The following CAND1 variants were observed in gnomAD, a reference collection of about 807,000 sequenced individuals.
CAND1 encodes cullin-associated NEDD8-dissociated protein 1.
In CAND1, 7 loss-of-function variants were observed where a neutral mutation model predicts 108.5. That is an observed-to-expected ratio of 0.06 (90% CI 0.04 to 0.12). The LOEUF is 0.12. Ranked by LOEUF, CAND1 falls within the 10% of genes least tolerant of loss-of-function variation. The pLI is 1.00. For synonymous variants in CAND1, 534 were observed against 512.0 expected (o/e 1.04, Z -0.58); for missense variants, 941 against 1,448.7 (o/e 0.65, Z 5.69).
rs1363983947 is a variant in CAND1 at position 67,313,375 on chromosome 12, AT to A, written c.*550del. On this transcript the variant is annotated 3_prime_UTR_variant, in exon 15 of 15. Transcript: ENST00000545606. Reference sequence around the variant, plus strand: ...AATTTTTAAAAGATAATAAGGTATCATTTTTAAGTATGAAAATTAACAATAT... The same window carrying A: ...AATTTTTAAAAGATAATAAGGTATCATTTTAAGTATGAAAATTAACAATAT... 1.3e-5 allele frequency: 2 copies of A among 152,636 alleles called. No individual in the cohort carries two copies. Among genetic ancestry groups the A allele is most frequent in the East Asian group, 3.8e-4 (2 of 5,204 alleles). 9.5% of individuals were successfully genotyped at this position (152,636 alleles called of 1,614,324 possible).
chr12:67,292,007 A>G (rs1470622795), intron 2 of CAND1, among the ~76,000 whole-genome samples: 1 of 152,152 alleles, frequency 6.6e-6, no homozygotes, highest in African/African-American at 2.4e-5. Context: ...GACTACGGGC[A>G]CATACCAGCA....
At chr12:67,290,656 G>A (rs979947741) in intron 2 of CAND1, among the ~76,000 whole-genome samples, 3 of 151,998 alleles carry the variant, frequency 2.0e-5, no homozygotes, top group African/African-American at 4.8e-5. Flanking sequence ...AAATAGTTAT[G>A]GAGTTCCTTA....
Position 67,297,431 on chromosome 12 carries a change from C to T in CAND1, c.516C>T (p.Phe172=), listed in dbSNP as rs2044780089. 6.2e-7 allele frequency: 1 copy of T among 1,611,790 alleles called. No individual in the cohort carries two copies. Among genetic ancestry groups the T allele is most frequent in the African/African-American group, 1.3e-5 (1 of 74,690 alleles). The change falls in exon 5 of 15, where the codon TTC becomes TTT. Residue 172 remains phenylalanine, a synonymous_variant. Coordinates refer to ENST00000545606, the MANE Select transcript of CAND1 (RefSeq NM_018448.5). ...LSRQGGLLVN[F]HPSILTCLLP... Reference sequence around the variant, plus strand: ...GGCAAGGAGGACTTCTTGTTAATTTCCATCCTTCAATTCTGACCTGTCTAC... The same window carrying T: ...GGCAAGGAGGACTTCTTGTTAATTTTCATCCTTCAATTCTGACCTGTCTAC...
intron 2 of CAND1, 41 bp from the exon 3 acceptor site, chr12:67,292,581 T>G (rs1263921378): frequency 6.7e-7 from 1 of 1,494,636 alleles, no homozygotes; most frequent in South Asian, 1.3e-5. Flanking sequence ...GTTTTTGTGC[T>G]TATCTAGCTT....
rs76951684 is a variant in CAND1, at chr12:67,318,294, A to G, written c.*5464A>G. The stretch of plus-strand genomic sequence containing the variant: ...AGACCCTGTCTCAAAAAAAACAAGG[A>G]CTCTACAGATAGATAGACATCATAT... On this transcript the variant is annotated 3_prime_UTR_variant, in exon 15 of 15. Transcript: ENST00000545606. The G allele has an allele frequency of 0.064, 9,771 of 152,186 alleles. 372 individuals carry two copies. The highest frequency in any genetic ancestry group is 0.093 in the African/African-American group (3,861 of 41,472). The allele number at this position is 152,186 out of a possible 1,614,324, so 9.4% of individuals were successfully genotyped here. A position where few individuals can be genotyped will look rare whatever the true frequency, so the allele number is the denominator to read the frequency against.
chr12:67,302,511 G>C lies in CAND1; in HGVS notation c.1189G>C (p.Ala397Pro), dbSNP rs755694974. ...GAATGTAAAGGCAGATGTTTTTCAC[G>C]CATACCTTTCTCTTTTGAAGCAAAC... The part of the protein sequence containing the change: ...EENVKADVFH[A>P]YLSLLKQTRP... Residue 397 changes from alanine (A) to proline (P), a missense_variant, in exon 8 of 15, where the codon GCA becomes CCA. This residue lies in a region of CAND1 where 697 missense variants were observed against 942.0 expected (regional missense o/e 0.74). Transcript: ENST00000545606. 1 of 1,614,036 alleles carries C rather than the reference G, an allele frequency of 6.2e-7. No individual in the cohort carries two copies. The highest frequency in any genetic ancestry group is 8.5e-7 in the Non-Finnish European group (1 of 1,179,928).
At chr12:67,306,875 G>T (rs1473983584) in intron 10 of CAND1, among the ~76,000 whole-genome samples, 1 of 152,096 alleles carries the variant, frequency 6.6e-6, no homozygotes. Flanking sequence ...ATGTGGAAAA[G>T]ATGTATCTAA....
rs754351420 is a variant in CAND1 at position 67,302,463 on chromosome 12, T to C, written c.1141T>C (p.Ser381Pro). The C allele has an allele frequency of 2.5e-6, 4 of 1,614,126 alleles. No homozygotes were observed. The highest frequency in any genetic ancestry group is 2.5e-6 in the Non-Finnish European group (3 of 1,180,002). ...CAAGACCGTCTCTCCTGCACTAATATCCAGATTTAAAGAGCGTGAAGAGAA... is the reference window on the plus strand; with the variant it reads ...CAAGACCGTCTCTCCTGCACTAATACCCAGATTTAAAGAGCGTGAAGAGAA... Reference protein sequence around the residue: ...FYKTVSPALISRFKEREENVK... With the variant: ...FYKTVSPALIPRFKEREENVK... Residue 381 changes from serine (S) to proline (P), a missense_variant, in exon 8 of 15, where the codon TCC becomes CCC. Ser to Pro is a moderately conservative substitution (Grantham distance 74, BLOSUM62 -1). Coordinates refer to ENST00000545606, the MANE Select transcript of CAND1 (RefSeq NM_018448.5).
At chr12:67,270,599 AGC>A (rs1382042029) in intron 1 of CAND1, 1 of 152,194 alleles carries the variant, frequency 6.6e-6, no homozygotes. Flanking sequence ...GCTTTATTAC[AGC>A]AGTTCTGTTC....
At chr12:67,311,870 T>C (rs1157508592) in intron 14 of CAND1, 70 bp downstream of exon 14, 2 of 883,854 alleles carry the variant, frequency 2.3e-6, no homozygotes, top group Admixed American at 1.7e-5. Context: ...TTCTTTTCTC[T>C]AGCTTTCCAA....
intron 2 of CAND1, among the ~76,000 whole-genome samples, chr12:67,284,384 A>T (rs922469546): frequency 6.6e-6 from 1 of 152,180 alleles, no homozygotes; most frequent in South Asian, 2.1e-4. Flanking sequence ...TTAAGGGGGC[A>T]GTTCAGTATT....
intron 2 of CAND1, among the ~76,000 whole-genome samples, chr12:67,287,633 T>TA (rs2044683825): frequency 6.6e-6 from 1 of 152,102 alleles, no homozygotes; most frequent in African/African-American, 2.4e-5. Context: ...ATCAGGAACT[T>TA]ACCAGCTTTA....
At chr12:67,279,282 T>G (rs1301121986) in intron 1 of CAND1, among the ~76,000 whole-genome samples, 1 of 152,192 alleles carries the variant, frequency 6.6e-6, no homozygotes, top group Non-Finnish European at 1.5e-5. Context: ...TGTGATAATT[T>G]CCATATGCTC....
At position 67,311,820 on chromosome 12, in the gene CAND1, A is replaced by C; in HGVS notation, c.3468+20A>C. The C allele has an allele frequency of 7.0e-7, 1 of 1,418,462 alleles. No homozygotes were observed. Among genetic ancestry groups the C allele is most frequent in the Non-Finnish European group, 1.0e-6 (1 of 1,001,998 alleles). The allele number at this position is 1,418,462 out of a possible 1,614,324, so 87.9% of individuals were successfully genotyped here. A position where few individuals can be genotyped will look rare whatever the true frequency, so the allele number is the denominator to read the frequency against. ...ACTAAGGTAAGAAATGATAAGTATC[A>C]ACCTAGGTCAGACTTGGTGTATTGG... On this transcript the variant is annotated intron_variant, in intron 14 of 14. Coordinates refer to ENST00000545606, the MANE Select transcript of CAND1 (RefSeq NM_018448.5).
chr12:67,269,373 G>GCCTC lies in CAND1; in HGVS notation c.-344_-343insCTCC, dbSNP rs976830129. ...GGGCTTTGGCCTTTTGCCCTAGGGA[G>GCCTC]CGAGTGCGGAGCGAGTGGGAGCGAG... On this transcript the variant is annotated 5_prime_UTR_variant, in exon 1 of 15. Transcript: ENST00000545606. 230 of 303,634 alleles carry GCCTC rather than the reference G, an allele frequency of 7.6e-4. No homozygotes were observed. The highest frequency in any genetic ancestry group is 1.2e-4 in the Non-Finnish European group (20 of 163,910). The allele number at this position is 303,634 out of a possible 1,614,324, so 18.8% of individuals were successfully genotyped here.
At position 67,318,160 on chromosome 12, in the gene CAND1, C is replaced by G. The variant is rs537794559; in HGVS notation, c.*5330C>G. 1 of 152,400 alleles carries G rather than the reference C, an allele frequency of 6.6e-6. No homozygotes were observed. The highest frequency in any genetic ancestry group is 2.4e-5 in the African/African-American group (1 of 41,554). The allele number at this position is 152,400 out of a possible 1,614,324, so 9.4% of individuals were successfully genotyped here. A position where few individuals can be genotyped will look rare whatever the true frequency, so the allele number is the denominator to read the frequency against. On this transcript the variant is annotated 3_prime_UTR_variant, in exon 15 of 15. Transcript: ENST00000545606. ...GACGTGGTGGCACATGCCTGTAGTC[C>G]CAGCTGTGTGGGAGGCTGAGGCAGG...
At chr12:67,311,831 G>C in intron 14 of CAND1, 31 bp downstream of exon 14, 2 of 1,294,606 alleles carry the variant, frequency 1.5e-6, no homozygotes, top group Non-Finnish European at 2.2e-6. Context: ...ACCTAGGTCA[G>C]ACTTGGTGTA....
rs1323933707 is a variant in CAND1 at position 67,306,186 on chromosome 12, C to G, written c.2518C>G (p.Leu840Val). Residue 840 changes from leucine to valine, a missense_variant, in exon 10 of 15, where the codon CTT (leucine) becomes GTT (valine). Leu to Val is a conservative substitution (Grantham distance 32, BLOSUM62 1). Around this residue, in one of 9 missense-constraint regions of CAND1, gnomAD observed 697 missense variants for 942.0 expected, o/e 0.74. Coordinates refer to ENST00000545606, the MANE Select transcript of CAND1 (RefSeq NM_018448.5). Reference protein sequence around the residue: ...STDSIRLLALLSLGEVGHHID... With the variant: ...STDSIRLLALVSLGEVGHHID... ...AGATTCCATTCGTCTCTTAGCTCTA[C>G]TTTCTCTTGGAGAAGTTGGGCATCA... is the stretch of plus-strand genomic sequence containing the variant. The G allele has an allele frequency of 6.2e-7, 1 of 1,614,154 alleles. No individual in the cohort carries two copies. Among genetic ancestry groups the G allele is most frequent in the Admixed American group, 1.7e-5 (1 of 60,014 alleles).
intron 14 of CAND1, 32 bp from the exon 15 acceptor site, chr12:67,312,574 A>G: frequency 2.1e-6 from 3 of 1,452,296 alleles, no homozygotes; most frequent in Non-Finnish European, 2.8e-6. Flanking sequence ...TGTCTTTTAT[A>G]GCATGTAATC....
Sources: allele counts gnomAD v4.1 joint callset (sites outside exome capture counted in the v4.1 genomes callset), GRCh38; gene constraint gnomAD v4.1.1; regional missense constraint gnomAD v4.1.1; transcripts MANE v1.5; gene names NCBI Gene and HGNC (gene_info 2026-07-23, HGNC 2026-07-21).